The following GGA2 variants were observed in gnomAD, a reference collection of about 807,000 sequenced individuals.
GGA2 encodes ADP-ribosylation factor-binding protein GGA2.
In GGA2, 48 loss-of-function variants were observed where a neutral mutation model predicts 79.5. That is an observed-to-expected ratio of 0.60 (90% CI 0.48 to 0.77). The LOEUF is 0.77. GGA2 is among the 30% of genes least tolerant of loss of function. The probability of loss-of-function intolerance (pLI) is 0.00; values close to 1 mark genes in which losing one functional copy is unlikely to be tolerated. For synonymous variants in GGA2, 317 were observed against 302.0 expected, an observed-to-expected ratio of 1.05 and a Z score of -0.51; for missense variants, 770 against 774.0, an observed-to-expected ratio of 0.99 and a Z score of 0.06.
chr16:23,468,179 G>GTCTA (rs1026372466), intron 16 of GGA2, among the ~76,000 whole-genome samples: 5 of 151,466 alleles, frequency 3.3e-5, no homozygotes, highest in African/African-American at 4.9e-5. Context: ...CTGTCTGTCT[G>GTCTA]TCTATCTATC....
At chr16:23,487,738 A>G (rs1247185940) in intron 6 of GGA2, among the ~76,000 whole-genome samples, 2 of 152,086 alleles carry the variant, frequency 1.3e-5, no homozygotes, top group African/African-American at 4.8e-5. Context: ...AGGAAAGCGG[A>G]GAAAGGTGGC....
At chr16:23,518,184 T>C (rs1036187880) in intron 2 of GGA2, among the ~76,000 whole-genome samples, 3 of 152,116 alleles carry the variant, frequency 2.0e-5, no homozygotes, top group African/African-American at 4.8e-5. Flanking sequence ...GTGCTAGGAT[T>C]ACAGGCATGA....
In GGA2 at chr16:23,480,653, A is replaced by G; in HGVS notation, c.998T>C (p.Val333Ala). 1.2e-6 allele frequency: 2 copies of G among 1,612,400 alleles called. No homozygotes were observed. The highest frequency in any genetic ancestry group is 1.7e-6 in the Non-Finnish European group (2 of 1,178,570). The part of the protein sequence containing the change: ...RVTSSLGDIP[V>A]SRVFQNPAGC... The stretch of plus-strand genomic sequence containing the variant: ...GAAGCTTTCAAACATACCTCTGGAG[A>G]CAGGGATGTCTCCCAATGAGCTGGT... The change falls in exon 10 of 17, where the codon GTC (valine) becomes GCC (alanine). Residue 333 changes from valine to alanine, a missense_variant. By Grantham distance (64) the Val-to-Ala change is moderately conservative. Transcript: ENST00000309859.
At chr16:23,469,267 G>T (rs544207668) in intron 15 of GGA2, 1 of 362,790 alleles carries the variant, frequency 2.8e-6, no homozygotes, top group East Asian at 4.4e-5. Context: ...CAACAGCCAG[G>T]GCACATCTTG....
intron 12 of GGA2, 40 bp from the exon 13 acceptor site, chr16:23,478,541 AATGAC>A: frequency 6.3e-7 from 1 of 1,597,044 alleles, no homozygotes; most frequent in African/African-American, 1.3e-5. Flanking sequence ...CCAGGGTATG[AATGAC>A]CATCAGCCAC....
At chr16:23,485,561 C>T (rs1023782978) in intron 8 of GGA2, among the ~76,000 whole-genome samples, 13 of 152,104 alleles carry the variant, frequency 8.5e-5, no homozygotes, top group African/African-American at 1.2e-4. Context: ...CACAAAATCC[C>T]GTACAAAATT....
chr16:23,524,207 T>C (rs1225547296), upstream of GGA2: 3 of 684,994 alleles, frequency 4.4e-6, no homozygotes, highest in African/African-American at 3.6e-5. Flanking sequence ...AAAACGTGCC[T>C]GTGGTGGATC....
Position 23,486,135 on chromosome 16 carries a change from C to A in GGA2, c.678G>T (p.Glu226Asp), listed in dbSNP as rs200992596. ...NLVKEEQEKS[E>D]KVSKRVSAVE... ...CCGCACTGACCCTCTTGGACACCTT[C>A]TCCGATTTTTCTTGTTCCTTTTGGG... The change falls in exon 8 of 17, where the codon GAG (glutamate) becomes GAT (aspartate). Residue 226 changes from glutamate (E) to aspartate (D), a missense_variant. By Grantham distance (45) the Glu-to-Asp change is conservative. Transcript: ENST00000309859. 3.1e-6 allele frequency: 5 copies of A among 1,613,928 alleles called. No individual in the cohort carries two copies. The African/African-American group carries it at 6.7e-5, about 22-fold the overall frequency.
rs189690902 is a variant in GGA2 at position 23,489,196 on chromosome 16, C to A, written c.476-487G>T. Among the ~76,000 whole-genome samples, 7 of 152,284 alleles carry A rather than the reference C, an allele frequency of 4.6e-5. 1 individual carries two copies. In the East Asian group the frequency reaches 1.4e-3, roughly 29 times the overall value. On this transcript the variant is annotated intron_variant, in intron 5 of 16. Transcript: ENST00000309859. ...CAAAGGTGGGAACTATCACCCCCAT[C>A]GTGACAACAACAAAACACTGGAAAG...
At position 23,478,406 on chromosome 16, in the gene GGA2, C is replaced by T; in HGVS notation, c.1254G>A (p.Leu418=). 6.2e-7 allele frequency: 1 copy of T among 1,610,476 alleles called. No individual in the cohort carries two copies. The highest frequency in any genetic ancestry group is 8.5e-7 in the Non-Finnish European group (1 of 1,177,688). Residue 418 remains leucine, a synonymous_variant, in exon 13 of 17, where the codon TTG becomes TTA. Transcript: ENST00000309859. ...GVQNPSADRN[L]LDLLSAQPAP... is the part of the protein sequence containing the mutation. ...CTGGCTGTGCTGAGAGGAGGTCCAG[C>T]AAATTCCTGTCTGCAGAAGGGTTCT...
intron 13 of GGA2, among the ~76,000 whole-genome samples, chr16:23,475,293 G>T (rs186116343): frequency 4.7e-5 from 7 of 150,244 alleles, no homozygotes; most frequent in Non-Finnish European, 8.9e-5. Flanking sequence ...AGGCTCAAGC[G>T]ATTCTCCTGA....
At chr16:23,473,125 AGAACAACTAAG>A (rs1465920689) in intron 14 of GGA2, among the ~76,000 whole-genome samples, 1 of 151,982 alleles carries the variant, frequency 6.6e-6, no homozygotes, top group African/African-American at 2.4e-5. Flanking sequence ...AAGTTTTTAA[AGAACAACTAAG>A]GGCATAAAAA....
chr16:23,505,562 T>C (rs192272297), intron 1 of GGA2, among the ~76,000 whole-genome samples: 9 of 152,258 alleles, frequency 5.9e-5, no homozygotes, highest in Admixed American at 4.6e-4. Context: ...CGTTTGTACT[T>C]TTAAGGCATG....
At chr16:23,483,208 T>C (rs1448770663) in intron 8 of GGA2, among the ~76,000 whole-genome samples, 1 of 152,168 alleles carries the variant, frequency 6.6e-6, no homozygotes, top group Non-Finnish European at 1.5e-5. Context: ...GTATGATTTC[T>C]GAAAATAAAA....
rs971145004 is a variant in GGA2, at chr16:23,467,157, C to T, written c.*433G>A. The T allele has an allele frequency of 6.1e-6, 1 of 165,222 alleles. No individual in the cohort carries two copies. Among genetic ancestry groups the T allele is most frequent in the African/African-American group, 2.4e-5 (1 of 41,802 alleles). The allele number at this position is 165,222 out of a possible 1,614,324, so 10.2% of individuals were successfully genotyped here. On this transcript the variant is annotated 3_prime_UTR_variant, in exon 17 of 17. Coordinates refer to ENST00000309859, the MANE Select transcript of GGA2 (RefSeq NM_015044.4). The stretch of plus-strand genomic sequence containing the variant: ...CTTTTAAGGTCCCTGAGAACAGCAG[C>T]CTGGGAGCAACCAAGCCTTTCAAAG...
chr16:23,468,895 A>C lies in GGA2; in HGVS notation c.1722T>G (p.Asn574Lys). Residue 574 changes from asparagine to lysine, a missense_variant, in exon 16 of 17, where the codon AAT becomes AAG. Coordinates refer to ENST00000309859, the MANE Select transcript of GGA2 (RefSeq NM_015044.4). The stretch of plus-strand genomic sequence containing the variant: ...AGACACTGGAACATACTTTGTGTGG[A>C]TTGTCAAGCAGCAGCATCTGAGATA... ...AVISQMLLLD[N>K]PHKEPIRLRY... is the part of the protein sequence containing the mutation. The C allele has an allele frequency of 6.3e-7, 1 of 1,596,554 alleles. No homozygotes were observed. The highest frequency in any genetic ancestry group is 1.1e-5 in the South Asian group (1 of 90,748).
Position 23,480,673 on chromosome 16 carries a change from G to A in GGA2, c.978C>T (p.Ser326=), listed in dbSNP as rs766211941. Residue 326 remains serine, a synonymous_variant, in exon 10 of 17, where the codon AGC becomes AGT. Transcript: ENST00000309859. ...TGGAGACAGGGATGTCTCCCAATGA[G>A]CTGGTCACTCTGTTTCCAAAGGTGA... The part of the protein sequence containing the change: ...GRVTFGNRVT[S]SLGDIPVSRV... 23 of 1,613,416 alleles carry A rather than the reference G, an allele frequency of 1.4e-5. No individual in the cohort carries two copies. The highest frequency in any genetic ancestry group is 2.0e-5 in the Non-Finnish European group (23 of 1,179,348).
chr16:23,506,730 C>T (rs1964977458), intron 1 of GGA2, among the ~76,000 whole-genome samples: 1 of 152,206 alleles, frequency 6.6e-6, no homozygotes, highest in African/African-American at 2.4e-5. Flanking sequence ...AGCCACTCCC[C>T]AACGCTTCCC....
rs764580016 is a variant in GGA2, at chr16:23,474,892, A to G, written c.1450+12T>C. 1.9e-6 allele frequency: 3 copies of G among 1,595,954 alleles called. No homozygotes were observed. Among genetic ancestry groups the G allele is most frequent in the South Asian group, 2.2e-5 (2 of 90,606 alleles). Reference sequence around the variant, plus strand: ...AAAAAAAAAAAAAGGTGGGGAGTGAAATTGTACTTACTGGGCTTAACAGAC... The same window carrying G: ...AAAAAAAAAAAAAGGTGGGGAGTGAGATTGTACTTACTGGGCTTAACAGAC... On this transcript the variant is annotated intron_variant, in intron 14 of 16. Transcript: ENST00000309859.
Sources: allele counts gnomAD v4.1 joint callset (sites outside exome capture counted in the v4.1 genomes callset), GRCh38; gene constraint gnomAD v4.1.1; transcripts MANE v1.5; gene names NCBI Gene and HGNC (gene_info 2026-07-23, HGNC 2026-07-21).